Variants in NAV2 observed in about 807,000 individuals in gnomAD.
NAV2 encodes the protein helicase, APC down-regulated 1.
NAV2 carries 54 observed loss-of-function variants against 223.2 expected under a neutral mutation model. The ratio of observed to expected loss-of-function variants is 0.24; its 90% confidence interval spans 0.19 to 0.30. The LOEUF (loss-of-function observed/expected upper bound fraction) is 0.30. Ranked by LOEUF, NAV2 falls within the 10% of genes least tolerant of loss-of-function variation. The pLI is 1.00. For missense variants in NAV2, 2,806 were observed against 3,147.5 expected (o/e 0.89, Z 2.60); for synonymous variants, 1,279 against 1,239.3 (o/e 1.03, Z -0.67).
intron 1 of NAV2, among the ~76,000 whole-genome samples, chr11:19,499,973 T>A (rs569005623): frequency 2.6e-5 from 4 of 152,096 alleles, no homozygotes; most frequent in Non-Finnish European, 4.4e-5. Flanking sequence ...ATTCTATATA[T>A]ATATACACAC....
intron 1 of NAV2, among the ~76,000 whole-genome samples, chr11:19,608,997 C>T (rs948481807): frequency 6.6e-6 from 1 of 152,226 alleles, no homozygotes; most frequent in African/African-American, 2.4e-5. Flanking sequence ...CTGCCTTCTT[C>T]TCCCATCTTT....
In NAV2 at chr11:20,083,121, C is replaced by T; in HGVS notation, c.5440C>T (p.Pro1814Ser). 2 of 1,614,078 alleles carry T rather than the reference C, an allele frequency of 1.2e-6. No individual in the cohort carries two copies. Among genetic ancestry groups the T allele is most frequent in the South Asian group, 2.2e-5 (2 of 91,072 alleles). Residue 1814 changes from proline to serine, a missense_variant, in exon 26 of 38, where the codon CCG becomes TCG. Physicochemically the swap from Pro to Ser is moderately conservative, Grantham distance 74. Transcript: ENST00000349880. ...DSSLPSSPKL[P>S]HNGSTGSTPL... ...TTCTTTGCCTTCCTCACCAAAGTTA[C>T]CGCACAATGGGTCCACAGGTTCCAC...
chr11:19,776,633 TG>T (rs1452829363), intron 1 of NAV2, among the ~76,000 whole-genome samples: 4 of 13,230 alleles, frequency 3.0e-4, no homozygotes, highest in Non-Finnish European at 6.4e-4. Flanking sequence ...GGTCAGAAAA[TG>T]TGTGTGTGTG....
chr11:19,571,670 C>A (rs1218423595), intron 1 of NAV2, among the ~76,000 whole-genome samples: 3 of 151,522 alleles, frequency 2.0e-5, no homozygotes, highest in Non-Finnish European at 2.9e-5. Context: ...TGCACCACTG[C>A]ACTCCAGCCT....
chr11:20,074,369 A>G (rs1182458779), intron 22 of NAV2, among the ~76,000 whole-genome samples: 7 of 152,142 alleles, frequency 4.6e-5, no homozygotes, highest in African/African-American at 1.2e-4. Flanking sequence ...GGTCAATTTT[A>G]GAATAAGTGT....
At chr11:19,485,024 C>G (rs549213659) in intron 1 of NAV2, among the ~76,000 whole-genome samples, 1 of 37,878 alleles carries the variant, frequency 2.6e-5, no homozygotes, top group Non-Finnish European at 1.1e-4. Flanking sequence ...TTCAGTCCTT[C>G]CTGTGCACTA....
At chr11:19,675,287 C>A (rs981680935) in intron 1 of NAV2, among the ~76,000 whole-genome samples, 24 of 152,308 alleles carry the variant, frequency 1.6e-4, no homozygotes, top group African/African-American at 5.3e-4. Flanking sequence ...AGGTATTATT[C>A]CTTTTTCCCA....
At chr11:19,596,054 A>G (rs1198939912) in intron 1 of NAV2, among the ~76,000 whole-genome samples, 3 of 152,256 alleles carry the variant, frequency 2.0e-5, no homozygotes, top group Non-Finnish European at 4.4e-5. Flanking sequence ...TAAAAATGGT[A>G]TTAGTCACCC....
intron 20 of NAV2, among the ~76,000 whole-genome samples, chr11:20,063,722 CA>C (rs1326928909): frequency 2.0e-5 from 3 of 151,438 alleles, no homozygotes; most frequent in Non-Finnish European, 4.4e-5. Context: ...GGAATTTCTA[CA>C]GGGAAAAAAA....
intron 11 of NAV2, among the ~76,000 whole-genome samples, chr11:20,001,019 A>G (rs564599339): frequency 1.3e-5 from 2 of 152,236 alleles, no homozygotes; most frequent in South Asian, 4.2e-4. Context: ...TGTGTCACAT[A>G]CAGGATAAAG....
At chr11:19,720,437 A>T (rs1385332216) in intron 1 of NAV2, among the ~76,000 whole-genome samples, 1 of 152,208 alleles carries the variant, frequency 6.6e-6, no homozygotes, top group East Asian at 1.9e-4. Context: ...TTTTGCAAAC[A>T]ATGGGCCCCC....
At chr11:19,621,330 G>A (rs2046987936) in intron 1 of NAV2, among the ~76,000 whole-genome samples, 1 of 152,178 alleles carries the variant, frequency 6.6e-6, no homozygotes, top group African/African-American at 2.4e-5. Context: ...AGAAGGAATG[G>A]TACCAGCTCC....
intron 11 of NAV2, among the ~76,000 whole-genome samples, chr11:20,007,236 A>G (rs975654036): frequency 2.0e-5 from 3 of 151,920 alleles, no homozygotes; most frequent in African/African-American, 7.2e-5. Context: ...GACTTGAGCC[A>G]CTGTGCCCAG....
chr11:19,720,704 C>T (rs548342027), intron 1 of NAV2, among the ~76,000 whole-genome samples: 1 of 152,308 alleles, frequency 6.6e-6, no homozygotes, highest in African/African-American at 2.4e-5. Context: ...GCCTCTGTAT[C>T]AGCATAATGC....
At chr11:19,671,877 T>G (rs1259661084) in intron 1 of NAV2, among the ~76,000 whole-genome samples, 1 of 152,236 alleles carries the variant, frequency 6.6e-6, no homozygotes, top group African/African-American at 2.4e-5. Flanking sequence ...GAGCTCCTCC[T>G]GCATGCTTAG....
At chr11:19,703,214 A>G (rs1267974015) in intron 1 of NAV2, among the ~76,000 whole-genome samples, 1 of 152,184 alleles carries the variant, frequency 6.6e-6, no homozygotes, top group Non-Finnish European at 1.5e-5. Context: ...TTAGGCCAAC[A>G]CATCCTTTTA....
At chr11:20,088,384 G>A (rs1056982041) in intron 26 of NAV2, among the ~76,000 whole-genome samples, 7 of 152,110 alleles carry the variant, frequency 4.6e-5, no homozygotes, top group Non-Finnish European at 7.4e-5. Context: ...ACGGGGTTTC[G>A]CCGTGTTGGC....
At chr11:20,000,721 T>A (rs537456439) in intron 11 of NAV2, among the ~76,000 whole-genome samples, 8 of 152,280 alleles carry the variant, frequency 5.3e-5, no homozygotes, top group African/African-American at 1.9e-4. Context: ...GCACTTGTCA[T>A]GCTAATGACC....
intron 1 of NAV2, among the ~76,000 whole-genome samples, chr11:19,592,336 C>T (rs894286391): frequency 2.6e-5 from 4 of 152,104 alleles, no homozygotes; most frequent in Admixed American, 2.0e-4. Flanking sequence ...GCCTTCTTTC[C>T]ACACCTACTA....
Sources: allele counts gnomAD v4.1 joint callset (sites outside exome capture counted in the v4.1 genomes callset), GRCh38; gene constraint gnomAD v4.1.1; transcripts MANE v1.5; gene names NCBI Gene and HGNC (gene_info 2026-07-23, HGNC 2026-07-21).